NUP98: variants seen among roughly 807,000 people sequenced by gnomAD.
The protein encoded by NUP98 is nucleoporin 98 and 96 precursor.
A neutral mutation model predicts 191.9 loss-of-function variants in NUP98; 26 were observed. The ratio of observed to expected loss-of-function variants is 0.14; its 90% CI spans 0.10 to 0.19. NUP98 has a LOEUF of 0.19. NUP98 is among the 10% of genes least tolerant of loss of function. The pLI, the probability that NUP98 is intolerant of heterozygous loss-of-function variation, is 1.00. For missense variants in NUP98, 1,941 were observed against 2,178.8 expected, an observed-to-expected ratio of 0.89 and a Z score of 2.17; for synonymous variants, 808 against 778.4, an observed-to-expected ratio of 1.04 and a Z score of -0.63.
At chr11:3,757,126 T>C (rs1026716202) in intron 10 of NUP98, among the ~76,000 whole-genome samples, 1 of 107,460 alleles carries the variant, frequency 9.3e-6, no homozygotes, top group African/African-American at 4.8e-5. Flanking sequence ...TATCTATATC[T>C]ATATCTATAT....
intron 1 of NUP98, among the ~76,000 whole-genome samples, chr11:3,791,533 CAAAAAAAAAAAAA>C (rs71041395): frequency 3.0e-5 from 2 of 67,200 alleles, no homozygotes; most frequent in African/African-American, 6.2e-5. Flanking sequence ...GACCTCGTCT[CAAAAAAAAAAAAA>C]AAAAAAAAAA....
chr11:3,727,149 T>C (rs191929790), intron 14 of NUP98, among the ~76,000 whole-genome samples: 7 of 152,228 alleles, frequency 4.6e-5, no homozygotes, highest in African/African-American at 1.7e-4. Context: ...ATAATCTTTA[T>C]ACCCAAACTG....
intron 1 of NUP98, among the ~76,000 whole-genome samples, chr11:3,794,969 A>G (rs1406550318): frequency 6.6e-6 from 1 of 152,224 alleles, no homozygotes; most frequent in Admixed American, 6.5e-5. Flanking sequence ...AACAAATTAC[A>G]TAACTGCATA....
intron 16 of NUP98, among the ~76,000 whole-genome samples, chr11:3,722,160 C>CTGGAG (rs1161968708): frequency 7.3e-6 from 1 of 136,682 alleles, no homozygotes. Context: ...TCAACCCAGG[C>CTGGAG]TGGAGTTCAG....
rs1217879683 is a variant in NUP98 at position 3,686,145 on chromosome 11, G to T, written c.4504C>A (p.Pro1502Thr). Residue 1502 changes from proline to threonine, a missense_variant, in exon 29 of 33, where the codon CCT (proline) becomes ACT (threonine). Coordinates refer to ENST00000324932, the MANE Select transcript of NUP98 (RefSeq NM_016320.5). ...LLEPRSITAD[P>T]LDYRLSWHLW... ...TGCCAGCTTAGGCGGTAGTCCAAAG[G>T]ATCTGCTGTTATGCTTCGAGGCTCC... 6.2e-7 allele frequency: 1 copy of T among 1,614,214 alleles called. No homozygotes were observed. The highest frequency in any genetic ancestry group is 8.5e-7 in the Non-Finnish European group (1 of 1,180,048).
At chr11:3,732,237 G>A (rs2079877826) in intron 13 of NUP98, among the ~76,000 whole-genome samples, 1 of 152,074 alleles carries the variant, frequency 6.6e-6, no homozygotes, top group African/African-American at 2.4e-5. Flanking sequence ...GACAGAGCGA[G>A]ACTCTTTCCC....
chr11:3,769,504 A>G (rs1415223986), intron 7 of NUP98, among the ~76,000 whole-genome samples: 1 of 144,130 alleles, frequency 6.9e-6, no homozygotes, highest in Non-Finnish European at 1.5e-5. Context: ...TGGGCCCAAG[A>G]GTTCAAGGCT....
At chr11:3,678,618 C>A (rs949731283) in intron 31 of NUP98, among the ~76,000 whole-genome samples, 1 of 152,012 alleles carries the variant, frequency 6.6e-6, no homozygotes, top group African/African-American at 2.4e-5. Context: ...TAGTGTGGAA[C>A]ATAATATGGT....
chr11:3,712,475 T>C (rs2079048478), intron 20 of NUP98, 89 bp downstream of exon 20: 1 of 1,571,934 alleles, frequency 6.4e-7, no homozygotes, highest in Non-Finnish European at 8.6e-7. Context: ...GTTCCAAGGG[T>C]CATAAAACAG....
intron 1 of NUP98, among the ~76,000 whole-genome samples, chr11:3,784,605 A>AAAAAAC (rs1554904743): frequency 2.8e-5 from 4 of 141,928 alleles, no homozygotes; most frequent in African/African-American, 7.7e-5. Flanking sequence ...ACAAAAAAAA[A>AAAAAAC]CAAAAAACAT....
intron 28 of NUP98, 66 bp downstream of exon 28, chr11:3,691,281 G>T: frequency 1.3e-6 from 2 of 1,573,436 alleles, no homozygotes; most frequent in East Asian, 2.2e-5. Flanking sequence ...GGGAAAGGAC[G>T]CAGCAAAGGA....
At chr11:3,738,964 GT>G (rs1202005633) in intron 12 of NUP98, among the ~76,000 whole-genome samples, 7 of 151,930 alleles carry the variant, frequency 4.6e-5, no homozygotes, top group Admixed American at 1.3e-4. Context: ...CATACCTGAG[GT>G]TTTTTTAAGA....
chr11:3,758,492 G>A (rs984504430), intron 10 of NUP98, among the ~76,000 whole-genome samples: 1 of 151,310 alleles, frequency 6.6e-6, no homozygotes, highest in African/African-American at 2.4e-5. Flanking sequence ...TTATAGGAAA[G>A]AAATAAGTAG....
intron 14 of NUP98, among the ~76,000 whole-genome samples, chr11:3,730,659 C>A (rs1316771521): frequency 6.6e-6 from 1 of 152,052 alleles, no homozygotes; most frequent in Admixed American, 6.6e-5. Context: ...CCACCATGCC[C>A]GGCCGGATTA....
chr11:3,735,257 T>C lies in NUP98; in HGVS notation c.1476A>G (p.Thr492=). 12 of 1,601,254 alleles carry C rather than the reference T, an allele frequency of 7.5e-6. No individual in the cohort carries two copies. The highest frequency in any genetic ancestry group is 1.3e-5 in the African/African-American group (1 of 74,760). The change falls in exon 13 of 33, where the codon ACA becomes ACG. Residue 492 remains threonine (T), a synonymous_variant. Transcript: ENST00000324932. ...AVLQQHINSL[T]YSPFGDSPLF... ...GAGGAGAGTCTCCAAAAGGTGAGTA[T>C]GTTAGACTATTGATGTGCTGCTGGA...
intron 26 of NUP98, among the ~76,000 whole-genome samples, chr11:3,693,987 T>G (rs2078408933): frequency 1.3e-5 from 2 of 151,976 alleles, no homozygotes; most frequent in South Asian, 4.2e-4. Context: ...TCCCAGCACT[T>G]TGGGAGGCCG....
chr11:3,735,652 T>A (rs533556376), intron 12 of NUP98, among the ~76,000 whole-genome samples: 72 of 152,104 alleles, frequency 4.7e-4, no homozygotes, highest in Middle Eastern at 3.4e-3. Context: ...TACCTATCAC[T>A]GAAATAGCTG....
chr11:3,695,227 C>G (rs2078462570), intron 26 of NUP98, among the ~76,000 whole-genome samples: 1 of 152,216 alleles, frequency 6.6e-6, no homozygotes, highest in South Asian at 2.1e-4. Flanking sequence ...TTGTTTACCA[C>G]TATATGATAT....
chr11:3,687,672 G>C (rs2078170288), intron 28 of NUP98, among the ~76,000 whole-genome samples: 1 of 152,184 alleles, frequency 6.6e-6, no homozygotes, highest in Non-Finnish European at 1.5e-5. Context: ...GAACACAAAT[G>C]ACCAGTATCA....
Sources: allele counts gnomAD v4.1 joint callset (sites outside exome capture counted in the v4.1 genomes callset), GRCh38; gene constraint gnomAD v4.1.1; transcripts MANE v1.5; gene names NCBI Gene and HGNC (gene_info 2026-07-23, HGNC 2026-07-21).